Variants in KIF21B observed in about 807,000 individuals in gnomAD.
KIF21B encodes the protein kinesin-like protein KIF21B.
KIF21B carries 85 observed loss-of-function variants against 192.9 expected under a neutral mutation model. That is an observed-to-expected ratio of 0.44 (90% confidence interval 0.37 to 0.53). The LOEUF is 0.53. Ranked by LOEUF, KIF21B falls within the 20% of genes least tolerant of loss-of-function variation. The probability of loss-of-function intolerance (pLI) is 0.00; values close to 1 mark genes in which losing one functional copy is unlikely to be tolerated. For synonymous variants in KIF21B, 832 were observed against 884.6 expected, an observed-to-expected ratio of 0.94 and a Z score of 1.05; for missense variants, 1,716 against 2,194.8, an observed-to-expected ratio of 0.78 and a Z score of 4.36.
chr1:200,990,945 G>A lies in KIF21B; in HGVS notation c.2659C>T (p.Pro887Ser), dbSNP rs763113039. Residue 887 changes from proline (P) to serine (S), a missense_variant, in exon 18 of 35, where the codon CCC becomes TCC. Transcript: ENST00000461742. This position sits in a 1 kb window ranked among gnomAD's most constrained non-coding sequence, Gnocchi z 5.4. ...INHFLGDHPA[P>S]TVNGTRPARK... Reference sequence around the variant, plus strand: ...GCAGGACGGGTGCCATTGACAGTGGGCGCAGGATGGTCCCCCAAGAAGTGG... The same window carrying A: ...GCAGGACGGGTGCCATTGACAGTGGACGCAGGATGGTCCCCCAAGAAGTGG... 1 of 1,614,158 alleles carries A rather than the reference G, an allele frequency of 6.2e-7. No individual in the cohort carries two copies. Among genetic ancestry groups the A allele is most frequent in the Non-Finnish European group, 8.5e-7 (1 of 1,180,040 alleles).
chr1:200,980,976 T>C lies in KIF21B; in HGVS notation c.3963A>G (p.Leu1321=), dbSNP rs745974513. The stretch of plus-strand genomic sequence containing the variant: ...TCCACATACCTTTGGACCCTGTGAA[T>C]AGCAACTCATCTGTGGCATCCAGGC... ...ILCLDATDEL[L]FTGSKDRSCK... is the part of the protein sequence containing the mutation. The change falls in exon 29 of 35, where the codon CTA becomes CTG. Residue 1321 remains leucine, a synonymous_variant. Transcript: ENST00000461742. 12 of 1,611,748 alleles carry C rather than the reference T, an allele frequency of 7.4e-6. No individual in the cohort carries two copies. Among genetic ancestry groups the C allele is most frequent in the Non-Finnish European group, 1.0e-5 (12 of 1,179,126 alleles).
Position 201,005,052 on chromosome 1 carries a change from A to G in KIF21B, c.733-119T>C, listed in dbSNP as rs1460461040. On this transcript the variant is annotated intron_variant, in intron 5 of 34. Coordinates refer to ENST00000461742, the MANE Select transcript of KIF21B (RefSeq NM_001252102.2). ...CGGCCAAGCGCCTTGCCCTTCGCAC[A>G]TGCAGAGCATCTGACAATGTGCACA... is the stretch of plus-strand genomic sequence containing the variant. 2.6e-6 allele frequency: 3 copies of G among 1,172,970 alleles called. No homozygotes were observed. In the African/African-American group the frequency reaches 4.6e-5, roughly 18 times the overall value. 72.7% of individuals were successfully genotyped at this position (1,172,970 alleles called of 1,614,324 possible).
chr1:201,005,330 C>T lies in KIF21B; in HGVS notation c.710G>A (p.Arg237His), dbSNP rs767082564. 1.1e-5 allele frequency: 17 copies of T among 1,608,012 alleles called. No homozygotes were observed. The highest frequency in any genetic ancestry group is 2.2e-5 in the East Asian group (1 of 44,854). Residue 237 changes from arginine to histidine, a missense_variant, in exon 5 of 35, where the codon CGC (arginine) becomes CAC (histidine). Coordinates refer to ENST00000461742, the MANE Select transcript of KIF21B (RefSeq NM_001252102.2). Reference sequence around the variant, plus strand: ...CACCAGGTCGGGCTGGGTGCACATGCGCATCTGGCACAGGTGGATGGTGAA... The same window carrying T: ...CACCAGGTCGGGCTGGGTGCACATGTGCATCTGGCACAGGTGGATGGTGAA... Reference protein sequence around the residue: ...AIFTIHLCQMRMCTQPDLVNE... With the variant: ...AIFTIHLCQMHMCTQPDLVNE...
chr1:200,987,904 G>A (rs10494828), intron 24 of KIF21B, among the ~76,000 whole-genome samples: 33,357 of 152,148 alleles, frequency 0.22, 4,061 homozygotes, highest in Non-Finnish European at 0.28. Context: ...ACTCCCATAT[G>A]GTTGAATTGA....
At chr1:201,015,814 T>A (rs1183812910) in intron 1 of KIF21B, among the ~76,000 whole-genome samples, 1 of 152,156 alleles carries the variant, frequency 6.6e-6, no homozygotes, top group Non-Finnish European at 1.5e-5. Context: ...GGGATTTAGA[T>A]AAGCTAGCAA....
intron 3 of KIF21B, among the ~76,000 whole-genome samples, chr1:201,006,735 T>TGA (rs35913243): frequency 0.041 from 6,295 of 151,880 alleles, 285 homozygotes; most frequent in East Asian, 0.12. Flanking sequence ...CAAAGAGATG[T>TGA]GAGAGAGAAG....
intron 34 of KIF21B, chr1:200,973,812 T>G: frequency 1.4e-6 from 2 of 1,430,636 alleles, no homozygotes; most frequent in Non-Finnish European, 1.8e-6. Flanking sequence ...TTTTCTTTTT[T>G]TGGGGGGGTG....
intron 1 of KIF21B, among the ~76,000 whole-genome samples, chr1:201,014,448 G>C (rs1487808631): frequency 1.3e-5 from 2 of 152,220 alleles, no homozygotes; most frequent in Admixed American, 1.3e-4. Context: ...AGACAGGGAG[G>C]AGGCAGCCCA....
chr1:200,974,263 G>A, intron 34 of KIF21B: 1 of 1,414,432 alleles, frequency 7.1e-7, no homozygotes, highest in Non-Finnish European at 9.6e-7. Context: ...GGGAGAGAAG[G>A]GACAAAGTCG....
chr1:200,974,333 C>A, intron 34 of KIF21B: 1 of 1,033,838 alleles, frequency 9.7e-7, no homozygotes. Context: ...GGCTGCTCCC[C>A]ACACAGGGGG....
rs971598271 is a variant in KIF21B, at chr1:201,004,894, G to C, written c.772C>G (p.Pro258Ala). Residue 258 changes from proline (P) to alanine (A), a missense_variant, in exon 6 of 35, where the codon CCC becomes GCC. By Grantham distance (27) the Pro-to-Ala change is conservative. This residue lies in a region of KIF21B where 1,087 missense variants were observed against 1,316.6 expected (regional missense o/e 0.83). Coordinates refer to ENST00000461742, the MANE Select transcript of KIF21B (RefSeq NM_001252102.2). The part of the protein sequence containing the change: ...AVTGLPDGTP[P>A]SSEYETLTAK... ...GTGAGTGTCTCATACTCACTCGAGGGAGGTGTACCATCAGGAAGCCCAGTC... is the reference window on the plus strand; with the variant it reads ...GTGAGTGTCTCATACTCACTCGAGGCAGGTGTACCATCAGGAAGCCCAGTC... 1 of 1,611,880 alleles carries C rather than the reference G, an allele frequency of 6.2e-7. No individual in the cohort carries two copies. Among genetic ancestry groups the C allele is most frequent in the Non-Finnish European group, 8.5e-7 (1 of 1,178,048 alleles).
intron 1 of KIF21B, among the ~76,000 whole-genome samples, chr1:201,013,750 G>A (rs1658355600): frequency 6.6e-6 from 1 of 152,210 alleles, no homozygotes; most frequent in Non-Finnish European, 1.5e-5. Context: ...AAAATTTAAG[G>A]AGGCAAGGAA....
chr1:200,981,689 G>A (rs149061711), intron 28 of KIF21B, among the ~76,000 whole-genome samples: 14 of 152,292 alleles, frequency 9.2e-5, no homozygotes, highest in African/African-American at 2.4e-4. Flanking sequence ...TTGGACCAGC[G>A]GGGTCAAACT....
intron 5 of KIF21B, 138 bp downstream of exon 5, chr1:201,005,170 G>T: frequency 7.7e-7 from 1 of 1,298,640 alleles, no homozygotes; most frequent in Non-Finnish European, 1.0e-6. Context: ...CAAGGCTCAA[G>T]AAAAATATAA....
At position 200,998,366 on chromosome 1, in the gene KIF21B, G is replaced by A. The variant is rs776833018; in HGVS notation, c.2077+18C>T. On this transcript the variant is annotated intron_variant, in intron 14 of 34. Transcript: ENST00000461742. The surrounding 1 kb of genome is among the most constrained non-coding windows in gnomAD (Gnocchi z 4.3). ...GGGAGGGTCCGGATGGGGTGGAGGG[G>A]CATGGCGGTGGCCTCACTGAGGTTC... 13 of 1,601,692 alleles carry A rather than the reference G, an allele frequency of 8.1e-6. No homozygotes were observed. Among genetic ancestry groups the A allele is most frequent in the Non-Finnish European group, 9.4e-6 (11 of 1,172,754 alleles).
chr1:200,990,405 C>G lies in KIF21B; in HGVS notation c.2836-73G>C. On this transcript the variant is annotated intron_variant, in intron 19 of 34. Transcript: ENST00000461742. The surrounding 1 kb of genome is among the most constrained non-coding windows in gnomAD (Gnocchi z 5.4). Reference sequence around the variant, plus strand: ...GGTAGCTGCCAAGCCCTGCCCATAGCTTCCACCACAGGCTGGCCTGTGAGG... The same window carrying G: ...GGTAGCTGCCAAGCCCTGCCCATAGGTTCCACCACAGGCTGGCCTGTGAGG... The G allele has an allele frequency of 6.7e-7, 1 of 1,502,046 alleles. No homozygotes were observed. The highest frequency in any genetic ancestry group is 9.0e-7 in the Non-Finnish European group (1 of 1,110,966). The allele number at this position is 1,502,046 out of a possible 1,614,324, so 93.0% of individuals were successfully genotyped here. A position where few individuals can be genotyped will look rare whatever the true frequency, so the allele number is the denominator to read the frequency against.
Position 201,023,374 on chromosome 1 carries a change from G to T in KIF21B, c.10C>A (p.Gln4Lys). The T allele has an allele frequency of 6.5e-7, 1 of 1,526,972 alleles. No individual in the cohort carries two copies. 94.6% of individuals were successfully genotyped at this position (1,526,972 alleles called of 1,614,324 possible). Reference protein sequence around the residue: MAGQGDCCVKVAVR... With the variant: MAGKGDCCVKVAVR... ...GCCACCTTGACGCAGCAGTCCCCCT[G>T]GCCGGCCATGGCCCTCTGGAGCTAG... is the stretch of plus-strand genomic sequence containing the variant. Residue 4 changes from glutamine to lysine, a missense_variant, in exon 1 of 35, where the codon CAG becomes AAG. Gln to Lys is a moderately conservative substitution (Grantham distance 53). This residue lies in a region of KIF21B where 1,087 missense variants were observed against 1,316.6 expected (regional missense o/e 0.83). Transcript: ENST00000461742. The surrounding 1 kb of genome is among the most constrained non-coding windows in gnomAD (Gnocchi z 5.9).
At chr1:200,980,877 C>T (rs1008871692) in intron 29 of KIF21B, 83 bp downstream of exon 29, 6 of 1,526,070 alleles carry the variant, frequency 3.9e-6, no homozygotes, top group Admixed American at 4.5e-5. Context: ...ATGTTCTTTT[C>T]TCCTTCACAG....
Position 201,002,199 on chromosome 1 carries a change from AGCTGG to A in KIF21B, c.1359_1363del (p.Gln454HisfsTer17). 1 of 1,614,140 alleles carries A rather than the reference AGCTGG, an allele frequency of 6.2e-7. No homozygotes were observed. The highest frequency in any genetic ancestry group is 8.5e-7 in the Non-Finnish European group (1 of 1,180,032). Reference sequence around the variant, plus strand: ...CAGCAGGTTGGCCTCCTGGCTCATGAGCTGGGTGACGCGGTTGTTGATGGCATCGA... The same window carrying A: ...CAGCAGGTTGGCCTCCTGGCTCATGAGTGACGCGGTTGTTGATGGCATCGA... On this transcript the variant is annotated frameshift_variant, in exon 9 of 35. Transcript: ENST00000461742. LOFTEE classifies it high-confidence loss of function.
Sources: gnomAD v4.1 joint callset for allele counts (sites outside exome capture counted in the v4.1 genomes callset) on GRCh38, gnomAD v4.1.1 for gene constraint, gnomAD v4.1.1 regional missense constraint, Gnocchi (gnomAD v3.1) non-coding constraint, MANE v1.5 for transcripts, NCBI Gene and HGNC (gene_info 2026-07-23, HGNC 2026-07-21) for gene names.